Variants in MGAT5B observed in about 807,000 individuals in gnomAD.
MGAT5B encodes the protein N-acetylglucosaminyl-transferase Vb.
In MGAT5B, 54 loss-of-function variants were observed where a neutral mutation model predicts 95.1. The ratio of observed to expected loss-of-function variants is 0.57; its 90% CI spans 0.46 to 0.71. MGAT5B has a LOEUF of 0.71. MGAT5B is among the 30% of genes least tolerant of loss of function. MGAT5B has a pLI of 0.00. For synonymous variants in MGAT5B, 464 were observed against 451.0 expected, an observed-to-expected ratio of 1.03 and a Z score of -0.36; for missense variants, 935 against 1,088.6, an observed-to-expected ratio of 0.86 and a Z score of 1.99.
At chr17:76,935,843 TTATATATACTATATATATTATATACATTA>T (rs1969639482) in intron 12 of MGAT5B, among the ~76,000 whole-genome samples, 1 of 82,062 alleles carries the variant, frequency 1.2e-5, no homozygotes, top group Admixed American at 1.5e-4. Context: ...ATTATATACA[TTATATATACTATATATATTATATACATTA>T]TATATATTAT....
chr17:76,940,825 A>G lies in MGAT5B; in HGVS notation c.1825A>G (p.Ile609Val). ...CAACTCAGAGGAGTTTGAAGCAGCC[A>G]TCAAGGCCATTATGAGAACTCAGGT... ...YNNSEEFEAA[I>V]KAIMRTQVDP... Residue 609 changes from isoleucine to valine, a missense_variant, in exon 15 of 18, where the codon ATC (isoleucine) becomes GTC (valine). By Grantham distance (29) the Ile-to-Val change is conservative (BLOSUM62 3). This residue lies in a region of MGAT5B where 440 missense variants were observed against 523.6 expected (regional missense o/e 0.84). Transcript: ENST00000569840. This position sits in a 1 kb window ranked among gnomAD's most constrained non-coding sequence, Gnocchi z 4.3. 6.2e-7 allele frequency: 1 copy of G among 1,614,076 alleles called. No individual in the cohort carries two copies. The highest frequency in any genetic ancestry group is 2.2e-5 in the East Asian group (1 of 44,890).
intron 3 of MGAT5B, among the ~76,000 whole-genome samples, chr17:76,900,509 G>A (rs1968267316): frequency 6.6e-6 from 1 of 152,234 alleles, no homozygotes; most frequent in Admixed American, 6.5e-5. Flanking sequence ...ACACACACAG[G>A]GGAGAAGGCC....
At chr17:76,933,041 C>T (rs1969545052) in intron 11 of MGAT5B, among the ~76,000 whole-genome samples, 1 of 152,184 alleles carries the variant, frequency 6.6e-6, no homozygotes, top group Non-Finnish European at 1.5e-5. Flanking sequence ...TCCACCCTTC[C>T]AAGAAACAGA....
chr17:76,913,091 G>A (rs1054405689), intron 8 of MGAT5B, among the ~76,000 whole-genome samples: 1 of 152,232 alleles, frequency 6.6e-6, no homozygotes, highest in Non-Finnish European at 1.5e-5. Context: ...AGCTTGAGAG[G>A]AGAATGTTTA....
chr17:76,947,405 C>CG (rs1567829659), intron 16 of MGAT5B, among the ~76,000 whole-genome samples: 1 of 152,152 alleles, frequency 6.6e-6, no homozygotes, highest in Non-Finnish European at 1.5e-5. Context: ...AAAGCATTCG[C>CG]GGGGCCCTCC....
intron 10 of MGAT5B, among the ~76,000 whole-genome samples, chr17:76,931,742 G>A (rs1170719087): frequency 6.6e-6 from 1 of 152,250 alleles, no homozygotes; most frequent in African/African-American, 2.4e-5. Flanking sequence ...ACAGGAATGA[G>A]GAGGCGGCTG....
intron 8 of MGAT5B, among the ~76,000 whole-genome samples, chr17:76,919,488 G>A (rs777955005): frequency 2.6e-5 from 4 of 152,204 alleles, no homozygotes; most frequent in Admixed American, 6.5e-5. Flanking sequence ...AGAGTGCAAC[G>A]GTGTGATCAC....
rs748487878 is a variant in MGAT5B, at chr17:76,940,572, C to T, written c.1731+24C>T. ...AGGTGAGTGGAAAGCATCCTGGTCC[C>T]CGATCAGGAGGGGCCGGGACAGAGA... On this transcript the variant is annotated intron_variant, in intron 14 of 17. Coordinates refer to ENST00000569840, the MANE Select transcript of MGAT5B (RefSeq NM_001199172.2). This position sits in a 1 kb window ranked among gnomAD's most constrained non-coding sequence, Gnocchi z 4.3. 2.5e-6 allele frequency: 4 copies of T among 1,597,796 alleles called. No individual in the cohort carries two copies. Among genetic ancestry groups the T allele is most frequent in the Non-Finnish European group, 3.4e-6 (4 of 1,169,002 alleles).
chr17:76,887,635 C>A (rs1967706101), intron 3 of MGAT5B, among the ~76,000 whole-genome samples: 1 of 150,220 alleles, frequency 6.7e-6, no homozygotes, highest in African/African-American at 2.5e-5. Flanking sequence ...CTCACTGCAC[C>A]CTCCGCCTCC....
intron 3 of MGAT5B, among the ~76,000 whole-genome samples, chr17:76,886,898 G>T (rs1209859267): frequency 6.6e-6 from 1 of 152,146 alleles, no homozygotes; most frequent in Non-Finnish European, 1.5e-5. Context: ...ACAAAAATTA[G>T]CCAGGCGTGG....
chr17:76,913,589 G>T (rs1968821215), intron 8 of MGAT5B: 1 of 425,020 alleles, frequency 2.4e-6, no homozygotes, highest in South Asian at 1.7e-5. Flanking sequence ...ACACAGTGTG[G>T]TTGAAATTGT....
chr17:76,926,583 C>T lies in MGAT5B; in HGVS notation c.1158-14C>T. 1 of 1,604,582 alleles carries T rather than the reference C, an allele frequency of 6.2e-7. No homozygotes were observed. The highest frequency in any genetic ancestry group is 1.3e-5 in the African/African-American group (1 of 74,950). ...AGGTTGCTGACCCTGGTTCCTGGTCCCCTGGGGGGGCAGGTGCCGAATCAG... is the reference window on the plus strand; with the variant it reads ...AGGTTGCTGACCCTGGTTCCTGGTCTCCTGGGGGGGCAGGTGCCGAATCAG... On this transcript the variant is annotated splice_polypyrimidine_tract_variant and intron_variant, in intron 9 of 17. Coordinates refer to ENST00000569840, the MANE Select transcript of MGAT5B (RefSeq NM_001199172.2).
intron 3 of MGAT5B, among the ~76,000 whole-genome samples, chr17:76,894,869 AAAAG>A (rs1968009461): frequency 6.6e-6 from 1 of 151,802 alleles, no homozygotes; most frequent in Non-Finnish European, 1.5e-5. Flanking sequence ...AAAAAAGAAA[AAAAG>A]AAAAAAAAAG....
At position 76,868,993 on chromosome 17, in the gene MGAT5B, C is replaced by T. The variant is rs200534441; in HGVS notation, c.-37C>T. Reference sequence around the variant, plus strand: ...GCTGGGCCCAGGACGGTGCGTCCGGCCTCGCCCGCGGCTGCTCGCACCAAC... The same window carrying T: ...GCTGGGCCCAGGACGGTGCGTCCGGTCTCGCCCGCGGCTGCTCGCACCAAC... On this transcript the variant is annotated 5_prime_UTR_variant, in exon 1 of 18. Transcript: ENST00000569840. The surrounding 1 kb of genome is among the most constrained non-coding windows in gnomAD (Gnocchi z 6.3). The T allele has an allele frequency of 1.5e-5, 24 of 1,605,136 alleles. No homozygotes were observed. The highest frequency in any genetic ancestry group is 4.0e-5 in the African/African-American group (3 of 74,844).
At chr17:76,909,058 TG>T (rs1435571819) in intron 8 of MGAT5B, among the ~76,000 whole-genome samples, 1 of 152,008 alleles carries the variant, frequency 6.6e-6, no homozygotes, top group African/African-American at 2.4e-5. Flanking sequence ...CCACCTGCTT[TG>T]GCCTCCCAAA....
chr17:76,946,166 G>A, intron 15 of MGAT5B: 1 of 503,206 alleles, frequency 2.0e-6, no homozygotes, highest in Middle Eastern at 5.1e-4. Flanking sequence ...TGTGGGTCCT[G>A]AGCCTGAGTC....
At chr17:76,946,620 C>G (rs916163804) in intron 16 of MGAT5B, among the ~76,000 whole-genome samples, 170 bp downstream of exon 16, 17 of 152,232 alleles carry the variant, frequency 1.1e-4, no homozygotes, top group African/African-American at 4.1e-4. Context: ...TGGAGACAGG[C>G]AGGCCTGACT....
intron 13 of MGAT5B, among the ~76,000 whole-genome samples, chr17:76,939,027 GGGGTGTGT>G (rs891096186): frequency 6.2e-5 from 6 of 97,232 alleles, no homozygotes; most frequent in African/African-American, 1.6e-4. Flanking sequence ...AGGCATCTTG[GGGGTGTGT>G]GTGTGTGTGT....
At chr17:76,909,087 A>G (rs902546009) in intron 8 of MGAT5B, among the ~76,000 whole-genome samples, 1 of 152,160 alleles carries the variant, frequency 6.6e-6, no homozygotes, top group African/African-American at 2.4e-5. Context: ...AATTATAGGC[A>G]TGAGCCACTG....
Sources: gnomAD v4.1 joint callset for allele counts (sites outside exome capture counted in the v4.1 genomes callset) on GRCh38, gnomAD v4.1.1 for gene constraint, gnomAD v4.1.1 regional missense constraint, Gnocchi (gnomAD v3.1) non-coding constraint, MANE v1.5 for transcripts, NCBI Gene and HGNC (gene_info 2026-07-23, HGNC 2026-07-21) for gene names.